Variants in PSMB1 observed in about 807,000 individuals in gnomAD.
The protein encoded by PSMB1 is proteasome subunit beta type-1.
A neutral mutation model predicts 25.4 loss-of-function variants in PSMB1; 7 were observed. The observed-to-expected ratio is 0.28, with a 90% confidence interval of 0.16 to 0.52. PSMB1 has a LOEUF of 0.52. PSMB1 is among the 20% of genes least tolerant of loss of function. The probability of loss-of-function intolerance (pLI) is 0.97; values close to 1 mark genes in which losing one functional copy is unlikely to be tolerated. For missense variants in PSMB1, 284 were observed against 302.2 expected (o/e 0.94, Z 0.45); for synonymous variants, 119 against 115.0 (o/e 1.03, Z -0.22).
chr6:170,546,199 T>C lies in PSMB1; in HGVS notation c.222-15A>G, dbSNP rs1389981961. On this transcript the variant is annotated splice_polypyrimidine_tract_variant and intron_variant, in intron 2 of 5. Transcript: ENST00000262193. ...TTTTGTCTGTTCTGTAAAAAGCACA[T>C]TTCAGAAAACTGAGCTGGTTAGATA... is the stretch of plus-strand genomic sequence containing the variant. 3 of 1,611,632 alleles carry C rather than the reference T, an allele frequency of 1.9e-6. No individual in the cohort carries two copies. Among genetic ancestry groups the C allele is most frequent in the African/African-American group, 1.3e-5 (1 of 74,868 alleles).
At chr6:170,549,603 T>G (rs915270521) in intron 1 of PSMB1, 1 of 152,210 alleles carries the variant, frequency 6.6e-6, no homozygotes, top group Non-Finnish European at 1.5e-5. Flanking sequence ...TAATGACAAA[T>G]AGATGGACAA....
At chr6:170,538,772 G>T (rs1395839276) in intron 4 of PSMB1, among the ~76,000 whole-genome samples, 2 of 152,174 alleles carry the variant, frequency 1.3e-5, no homozygotes, top group Admixed American at 6.5e-5. Context: ...CTAAGAAACT[G>T]GGAAGTATTT....
chr6:170,535,210 A>G lies in PSMB1; in HGVS notation c.*10T>C, dbSNP rs544137411. The G allele has an allele frequency of 2.5e-6, 4 of 1,612,680 alleles. No homozygotes were observed. The South Asian group carries it at 4.4e-5, about 18-fold the overall frequency. Reference sequence around the variant, plus strand: ...CAGGTCTGAACTGATTGGTGATAAGAGCACACAGATCAGTCCTTCCTTAAG... The same window carrying G: ...CAGGTCTGAACTGATTGGTGATAAGGGCACACAGATCAGTCCTTCCTTAAG... On this transcript the variant is annotated 3_prime_UTR_variant, in exon 6 of 6. Coordinates refer to ENST00000262193, the MANE Select transcript of PSMB1 (RefSeq NM_002793.4).
intron 3 of PSMB1, among the ~76,000 whole-genome samples, chr6:170,545,267 T>C (rs1400609136): frequency 6.6e-6 from 1 of 152,226 alleles, no homozygotes; most frequent in Non-Finnish European, 1.5e-5. Context: ...TATGTAGAAT[T>C]CACCATTCCT....
chr6:170,544,128 T>C (rs1562352478), intron 3 of PSMB1, among the ~76,000 whole-genome samples: 1 of 152,178 alleles, frequency 6.6e-6, no homozygotes, highest in South Asian at 2.1e-4. Flanking sequence ...CTACTCCCTA[T>C]TGCTATGAAT....
Position 170,537,334 on chromosome 6 carries a change from C to T in PSMB1, c.440G>A (p.Gly147Glu). ...TACTGGATCAAAGCTGTATACAGCC[C>T]CCTTTCCTTAAAGAAGAAAACAGTA... is the stretch of plus-strand genomic sequence containing the variant. The part of the protein sequence containing the change: ...IIGGLDEEGK[G>E]AVYSFDPVGS... The change falls in exon 5 of 6, where the codon GGG (glycine) becomes GAG (glutamate). Residue 147 changes from glycine to glutamate, a missense_variant. Gly to Glu is a moderately conservative substitution (Grantham distance 98). Coordinates refer to ENST00000262193, the MANE Select transcript of PSMB1 (RefSeq NM_002793.4). The T allele has an allele frequency of 6.2e-7, 1 of 1,612,168 alleles. No homozygotes were observed. Among genetic ancestry groups the T allele is most frequent in the Non-Finnish European group, 8.5e-7 (1 of 1,178,450 alleles).
rs190053921 is a variant in PSMB1, at chr6:170,540,892, G to A, written c.433+2709C>T. Among the ~76,000 whole-genome samples, 359 of 152,122 alleles carry A rather than the reference G, an allele frequency of 2.4e-3. 2 individuals carry two copies. Among genetic ancestry groups the A allele is most frequent in the African/African-American group, 8.2e-3 (340 of 41,512 alleles). On this transcript the variant is annotated intron_variant, in intron 4 of 5. Coordinates refer to ENST00000262193, the MANE Select transcript of PSMB1 (RefSeq NM_002793.4). ...CATGGGGAGTCAAAAATAAAGTACCGGGTCATAATCCAGGTGGTTGTGGAG... is the reference window on the plus strand; with the variant it reads ...CATGGGGAGTCAAAAATAAAGTACCAGGTCATAATCCAGGTGGTTGTGGAG...
intron 4 of PSMB1, among the ~76,000 whole-genome samples, chr6:170,540,654 C>A (rs1778748430): frequency 7.2e-6 from 1 of 139,464 alleles, no homozygotes; most frequent in East Asian, 2.2e-4. Context: ...AAGACAGAGG[C>A]CAAAAATGAA....
At chr6:170,552,700 C>G (rs1275901505) in intron 1 of PSMB1, among the ~76,000 whole-genome samples, 2 of 152,242 alleles carry the variant, frequency 1.3e-5, no homozygotes, top group African/African-American at 2.4e-5. Context: ...ACAACCCTAA[C>G]TTTTAAGTTT....
Position 170,553,136 on chromosome 6 carries a change from T to C in PSMB1, c.107A>G (p.Asn36Ser). The C allele has an allele frequency of 6.2e-7, 1 of 1,610,432 alleles. No homozygotes were observed. The highest frequency in any genetic ancestry group is 8.5e-7 in the Non-Finnish European group (1 of 1,178,224). The change falls in exon 1 of 6, where the codon AAC becomes AGC. Residue 36 changes from asparagine to serine, a missense_variant. Asn to Ser is a conservative substitution (Grantham distance 46). Coordinates refer to ENST00000262193, the MANE Select transcript of PSMB1 (RefSeq NM_002793.4). ...LQLRFSPYVFNGGTILAIAGE... is the reference protein window; with the variant it reads ...LQLRFSPYVFSGGTILAIAGE... ...AGCTCTCTGGGGTTTTTACCCTCCG[T>C]TGAAAACGTAGGGCGAAAATCGCAG...
intron 2 of PSMB1, among the ~76,000 whole-genome samples, chr6:170,546,595 A>T (rs1214528038): frequency 6.6e-6 from 1 of 152,128 alleles, no homozygotes; most frequent in African/African-American, 2.4e-5. Context: ...CCTCCCAAGT[A>T]TCTGGGATTA....
At chr6:170,542,084 T>C (rs1194510494) in intron 4 of PSMB1, among the ~76,000 whole-genome samples, 1 of 152,206 alleles carries the variant, frequency 6.6e-6, no homozygotes, top group African/African-American at 2.4e-5. Context: ...GGTAATTCAT[T>C]TCTATTTTTA....
intron 4 of PSMB1, among the ~76,000 whole-genome samples, chr6:170,538,013 T>C (rs75159687): frequency 0.051 from 7,750 of 152,250 alleles, 239 homozygotes; most frequent in Middle Eastern, 0.085. Context: ...ACCTGTAAAA[T>C]ACGATACTGC....
At chr6:170,544,804 GT>G (rs1778797605) in intron 3 of PSMB1, among the ~76,000 whole-genome samples, 1 of 152,068 alleles carries the variant, frequency 6.6e-6, no homozygotes, top group Non-Finnish European at 1.5e-5. Context: ...TAACAGGTAA[GT>G]TTTTTATAGA....
chr6:170,542,168 T>C (rs952598020), intron 4 of PSMB1, among the ~76,000 whole-genome samples: 10 of 152,224 alleles, frequency 6.6e-5, no homozygotes, highest in African/African-American at 2.4e-4. Flanking sequence ...TGTGTCAACC[T>C]AATTTGTCTA....
chr6:170,548,830 A>T (rs1437701121), intron 2 of PSMB1, among the ~76,000 whole-genome samples, 176 bp downstream of exon 2: 3 of 152,220 alleles, frequency 2.0e-5, no homozygotes, highest in African/African-American at 7.2e-5. Context: ...AGCAAATATT[A>T]TTAAGACTGC....
chr6:170,551,187 G>A (rs1778895927), intron 1 of PSMB1, among the ~76,000 whole-genome samples: 1 of 152,080 alleles, frequency 6.6e-6, no homozygotes. Context: ...GGAATAATTA[G>A]CTTGCTTTTT....
chr6:170,543,957 C>G (rs1778786046), intron 3 of PSMB1, among the ~76,000 whole-genome samples: 1 of 152,176 alleles, frequency 6.6e-6, no homozygotes, highest in Non-Finnish European at 1.5e-5. Context: ...TCCATACCAC[C>G]CTTATCTCAG....
chr6:170,541,365 G>A (rs1778757314), intron 4 of PSMB1, among the ~76,000 whole-genome samples: 1 of 152,070 alleles, frequency 6.6e-6, no homozygotes, highest in Admixed American at 6.5e-5. Context: ...CATGCTACTT[G>A]GCGCAACAAA....
Sources: gnomAD v4.1 joint callset for allele counts (sites outside exome capture counted in the v4.1 genomes callset) on GRCh38, gnomAD v4.1.1 for gene constraint, MANE v1.5 for transcripts, NCBI Gene and HGNC (gene_info 2026-07-23, HGNC 2026-07-21) for gene names.